Variants in CATSPERE observed in about 807,000 individuals in gnomAD.
CATSPERE encodes the protein catsper channel auxiliary subunit epsilon.
Under a neutral mutation model 114.1 loss-of-function variants are expected in CATSPERE, and 93 were observed. That is an observed-to-expected ratio of 0.81 (90% CI 0.69 to 0.97). The LOEUF (loss-of-function observed/expected upper bound fraction) is 0.97. CATSPERE is among the 50% of genes least tolerant of loss of function. CATSPERE has a pLI of 0.00. For missense variants in CATSPERE, 1,058 were observed against 1,131.6 expected, an observed-to-expected ratio of 0.93 and a Z score of 0.93; for synonymous variants, 341 against 384.1, an observed-to-expected ratio of 0.89 and a Z score of 1.31.
intron 12 of CATSPERE, among the ~76,000 whole-genome samples, chr1:244,582,559 C>T (rs11581253): frequency 1.3e-5 from 2 of 151,990 alleles, no homozygotes; most frequent in African/African-American, 4.8e-5. Flanking sequence ...TGCGCCACCA[C>T]GGCCGGCTAA....
At position 244,467,215 on chromosome 1, in the gene CATSPERE, G is replaced by C. The variant is rs1023617252; in HGVS notation, c.114+3259G>C. On this transcript the variant is annotated intron_variant, in intron 2 of 21. Transcript: ENST00000366534. The stretch of plus-strand genomic sequence containing the variant: ...ATAAATAAATAAATATTTATAATTT[G>C]AACCAGGCCCAGATGGTTTTGTGTG... Among the ~76,000 whole-genome samples, 3 of 152,168 alleles carry C rather than the reference G, an allele frequency of 2.0e-5. No homozygotes were observed. The East Asian group carries it at 5.8e-4, about 29-fold the overall frequency.
chr1:244,531,531 T>C (rs1162279580), intron 8 of CATSPERE, among the ~76,000 whole-genome samples: 3 of 152,110 alleles, frequency 2.0e-5, no homozygotes, highest in Non-Finnish European at 4.4e-5. Flanking sequence ...ATTTTTTTTT[T>C]GTCATGAAGT....
At chr1:244,541,703 C>T (rs879891280) in intron 8 of CATSPERE, among the ~76,000 whole-genome samples, 309 of 147,350 alleles carry the variant, frequency 2.1e-3, no homozygotes, top group Non-Finnish European at 3.8e-3. Context: ...AAGACACGTG[C>T]ACACGTATGT....
At chr1:244,541,394 A>C (rs916776690) in intron 8 of CATSPERE, among the ~76,000 whole-genome samples, 5 of 150,408 alleles carry the variant, frequency 3.3e-5, no homozygotes, top group African/African-American at 7.3e-5. Context: ...CAGCCAAAAA[A>C]CACATGAAAA....
intron 7 of CATSPERE, among the ~76,000 whole-genome samples, chr1:244,507,028 T>C (rs1171850690): frequency 6.6e-6 from 1 of 152,204 alleles, no homozygotes; most frequent in Non-Finnish European, 1.5e-5. Flanking sequence ...GCCTGGTATA[T>C]TTCACTCAAA....
chr1:244,611,401 G>C (rs1240446841), intron 19 of CATSPERE, among the ~76,000 whole-genome samples: 2 of 151,722 alleles, frequency 1.3e-5, no homozygotes, highest in African/African-American at 2.4e-5. Context: ...ACCAGCCTGG[G>C]CAACATGGTA....
Position 244,499,001 on chromosome 1 carries a change from G to T in CATSPERE, c.352-1G>T. ...AAATGCAAACAAATTTTATTTTCTA[G>T]CTTATCACTGTGTGGGCATATGATC... On this transcript the variant is annotated splice_acceptor_variant, in intron 6 of 21. Coordinates refer to ENST00000366534, the MANE Select transcript of CATSPERE (RefSeq NM_001130957.2). LOFTEE classifies it high-confidence loss of function. 1 of 1,609,152 alleles carries T rather than the reference G, an allele frequency of 6.2e-7. No homozygotes were observed. The highest frequency in any genetic ancestry group is 8.5e-7 in the Non-Finnish European group (1 of 1,176,396).
upstream of CATSPERE, among the ~76,000 whole-genome samples, chr1:244,456,808 T>C (rs1666202493): frequency 1.3e-5 from 2 of 152,204 alleles, no homozygotes; most frequent in Admixed American, 1.3e-4. Context: ...CTAGGCTCCA[T>C]CCCTAGTATT....
At chr1:244,619,904 T>TAAG (rs1034698779) in intron 20 of CATSPERE, among the ~76,000 whole-genome samples, 2 of 152,182 alleles carry the variant, frequency 1.3e-5, no homozygotes, top group African/African-American at 4.8e-5. Flanking sequence ...AGAAACAGGG[T>TAAG]AAGCATATGA....
chr1:244,612,077 C>CT (rs1305099987), intron 19 of CATSPERE, among the ~76,000 whole-genome samples: 1 of 152,130 alleles, frequency 6.6e-6, no homozygotes, highest in Non-Finnish European at 1.5e-5. Flanking sequence ...TCTAGAAAGA[C>CT]TCTGGAGTGC....
At chr1:244,611,842 C>A (rs1164498622) in intron 19 of CATSPERE, among the ~76,000 whole-genome samples, 1 of 152,156 alleles carries the variant, frequency 6.6e-6, no homozygotes, top group East Asian at 1.9e-4. Context: ...GGGTAATTAA[C>A]AATCATGAAG....
intron 8 of CATSPERE, among the ~76,000 whole-genome samples, chr1:244,531,197 C>T (rs528591688): frequency 2.7e-5 from 4 of 145,880 alleles, no homozygotes; most frequent in African/African-American, 7.6e-5. Flanking sequence ...GATAGAGCCA[C>T]TGCACTCCAG....
chr1:244,460,863 G>A (rs745363203), upstream of CATSPERE, among the ~76,000 whole-genome samples: 1 of 152,194 alleles, frequency 6.6e-6, no homozygotes, highest in Non-Finnish European at 1.5e-5. Flanking sequence ...GCAGTGAGCC[G>A]AGCCAGATCG....
At chr1:244,583,055 C>G (rs1408666994) in intron 12 of CATSPERE, among the ~76,000 whole-genome samples, 1 of 151,864 alleles carries the variant, frequency 6.6e-6, no homozygotes, top group African/African-American at 2.4e-5. Context: ...GGCTGAATTC[C>G]TTTCTTTCCC....
At chr1:244,545,089 A>G (rs1041349242) in intron 8 of CATSPERE, among the ~76,000 whole-genome samples, 4 of 152,216 alleles carry the variant, frequency 2.6e-5, no homozygotes, top group Admixed American at 6.5e-5. Context: ...TTGATTGGAC[A>G]TAGTGAGCAA....
intron 9 of CATSPERE, among the ~76,000 whole-genome samples, chr1:244,559,733 A>G (rs1236893616): frequency 6.6e-6 from 1 of 152,218 alleles, no homozygotes; most frequent in Non-Finnish European, 1.5e-5. Context: ...GACCTTAGTA[A>G]ACATCAAGGT....
rs545216928 is a variant in CATSPERE at position 244,579,193 on chromosome 1, C to A, written c.1951-2603C>A. The stretch of plus-strand genomic sequence containing the variant: ...ATACTCACAACACTTGAGCTCACAG[C>A]AATAGCAATCGGAGGTGGCTGTGAA... On this transcript the variant is annotated intron_variant, in intron 11 of 21. Transcript: ENST00000366534. Among the ~76,000 whole-genome samples the A allele has an allele frequency of 2.8e-4, 42 of 152,282 alleles. 1 individual carries two copies. The highest frequency in any genetic ancestry group is 3.4e-3 in the Middle Eastern group (1 of 294).
chr1:244,478,114 G>A (rs564963976), intron 4 of CATSPERE, 139 bp downstream of exon 4: 607 of 503,682 alleles, frequency 1.2e-3, no homozygotes, highest in Non-Finnish European at 1.7e-3. Flanking sequence ...CTATAAACAA[G>A]CCCTATTTTA....
At chr1:244,605,409 T>A (rs2148677204) in intron 17 of CATSPERE, among the ~76,000 whole-genome samples, 1 of 152,262 alleles carries the variant, frequency 6.6e-6, no homozygotes, top group South Asian at 2.1e-4. Context: ...AAGTAAAACA[T>A]TTCTCCTTCA....
Sources: allele counts gnomAD v4.1 joint callset (sites outside exome capture counted in the v4.1 genomes callset), GRCh38; gene constraint gnomAD v4.1.1; transcripts MANE v1.5; gene names NCBI Gene and HGNC (gene_info 2026-07-23, HGNC 2026-07-21).